Variants in MCC observed in about 807,000 individuals in gnomAD.
MCC encodes MCC regulator of Wnt signaling pathway.
Under a neutral mutation model 116.2 loss-of-function variants are expected in MCC, and 90 were observed. That is an observed-to-expected ratio of 0.77 (90% CI 0.65 to 0.92). The LOEUF is 0.92. Ranked by LOEUF, MCC falls within the 40% of genes least tolerant of loss-of-function variation. MCC has a pLI of 0.00. For missense variants in MCC, 1,516 were observed against 1,312.2 expected (o/e 1.16, Z -2.40); for synonymous variants, 578 against 510.5 (o/e 1.13, Z -1.78).
chr5:113,444,023 T>TGTG (rs1771132344), intron 1 of MCC, among the ~76,000 whole-genome samples: 8 of 102,364 alleles, frequency 7.8e-5, no homozygotes, highest in African/African-American at 4.6e-4. Flanking sequence ...GTGTGTGTGT[T>TGTG]TAGTAGAGAT....
intron 3 of MCC, among the ~76,000 whole-genome samples, chr5:113,247,101 T>C (rs1158240280): frequency 1.3e-5 from 2 of 152,196 alleles, no homozygotes; most frequent in Non-Finnish European, 2.9e-5. Context: ...AAAGGTAACG[T>C]CTTAAGACAT....
At chr5:113,467,022 G>A (rs1409458061) in intron 1 of MCC, among the ~76,000 whole-genome samples, 1 of 151,374 alleles carries the variant, frequency 6.6e-6, no homozygotes, top group Non-Finnish European at 1.5e-5. Context: ...CCCACTTTTT[G>A]ATGGGGTTGT....
intron 1 of MCC, among the ~76,000 whole-genome samples, chr5:113,416,900 T>C (rs892232464): frequency 1.3e-5 from 2 of 152,126 alleles, no homozygotes; most frequent in Admixed American, 1.3e-4. Context: ...TTGACAAAAT[T>C]GGTCAATAAT....
chr5:113,329,216 A>G (rs1767636718), intron 3 of MCC, among the ~76,000 whole-genome samples: 1 of 152,210 alleles, frequency 6.6e-6, no homozygotes, highest in African/African-American at 2.4e-5. Flanking sequence ...TAGCAACACC[A>G]AAAGAAATGC....
chr5:113,132,482 A>G (rs1758523021), intron 5 of MCC, among the ~76,000 whole-genome samples: 1 of 148,940 alleles, frequency 6.7e-6, no homozygotes, highest in African/African-American at 2.5e-5. Context: ...ACACACATAC[A>G]TATATATATA....
rs561660750 is a variant in MCC at position 113,429,067 on chromosome 5, T to C, written c.171-43855A>G. ...CATTAGCTCTCCTTCACCGAAGAAA[T>C]AGGACAAAAACTTTACATATACTCT... On this transcript the variant is annotated intron_variant, in intron 1 of 18. Transcript: ENST00000408903. 2.6e-5 allele frequency among the ~76,000 whole-genome samples: 4 copies of C among 152,302 alleles called. No individual in the cohort carries two copies. In the East Asian group the frequency reaches 5.8e-4, roughly 22 times the overall value.
chr5:113,466,445 G>C (rs542579948), intron 1 of MCC, among the ~76,000 whole-genome samples: 1 of 148,960 alleles, frequency 6.7e-6, no homozygotes, highest in South Asian at 2.1e-4. Context: ...TTGGTTTTTT[G>C]TCCTTGCCAT....
At chr5:113,293,198 C>A (rs995512134) in intron 3 of MCC, among the ~76,000 whole-genome samples, 7 of 151,916 alleles carry the variant, frequency 4.6e-5, no homozygotes, top group African/African-American at 1.7e-4. Flanking sequence ...TCCCCCAACC[C>A]CATTTAATCC....
In MCC at chr5:113,069,833, G is replaced by A. The variant is rs901302238; in HGVS notation, c.1925+1261C>T. ...GATCTCCTGACCTCGTGATCCGCCC[G>A]CCTCGGCCTCCTAAAATGCTGGGAT... On this transcript the variant is annotated intron_variant, in intron 12 of 18. Coordinates refer to ENST00000408903, the MANE Select transcript of MCC (RefSeq NM_001085377.2). Among the ~76,000 whole-genome samples, 60 of 152,258 alleles carry A rather than the reference G, an allele frequency of 3.9e-4. 1 individual carries two copies. The highest frequency in any genetic ancestry group is 2.4e-5 in the African/African-American group (1 of 41,548).
At chr5:113,227,346 A>C (rs181821103) in intron 3 of MCC, among the ~76,000 whole-genome samples, 6 of 152,328 alleles carry the variant, frequency 3.9e-5, no homozygotes, top group Admixed American at 2.6e-4. Flanking sequence ...AAGTCTGCCA[A>C]ATAATCTGGT....
rs75558564 is a variant in MCC, at chr5:113,455,567, A to G, written c.170+32678T>C. Among the ~76,000 whole-genome samples the G allele has an allele frequency of 3.1e-3, 466 of 152,324 alleles. 9 individuals carry two copies. The highest frequency in any genetic ancestry group is 0.011 in the African/African-American group (443 of 41,578). On this transcript the variant is annotated intron_variant, in intron 1 of 18. Transcript: ENST00000408903. ...CTCTGAGATGGGACATACAAGTCTA[A>G]AGCCCTTTTCCAAATCTCTTGGGGA...
chr5:113,375,688 T>C (rs2150390425), intron 2 of MCC, among the ~76,000 whole-genome samples: 1 of 152,312 alleles, frequency 6.6e-6, no homozygotes, highest in Admixed American at 6.5e-5. Flanking sequence ...CCTCCCTGTG[T>C]GGTCTTTCAA....
chr5:113,133,947 AG>A (rs1358788278), intron 5 of MCC, among the ~76,000 whole-genome samples: 5 of 152,160 alleles, frequency 3.3e-5, no homozygotes, highest in African/African-American at 1.2e-4. Context: ...AAAAAAAATC[AG>A]ATTTGTTTTT....
intron 1 of MCC, among the ~76,000 whole-genome samples, chr5:113,469,692 A>G (rs1394351149): frequency 6.6e-6 from 1 of 152,128 alleles, no homozygotes; most frequent in African/African-American, 2.4e-5. Flanking sequence ...GTAGATGTCT[A>G]TTAGGTCACT....
intron 1 of MCC, among the ~76,000 whole-genome samples, chr5:113,480,555 C>T (rs1240889790): frequency 2.0e-5 from 3 of 152,116 alleles, no homozygotes; most frequent in South Asian, 2.1e-4. Flanking sequence ...GAATAAAAGT[C>T]GTGGTTATTG....
intron 1 of MCC, among the ~76,000 whole-genome samples, chr5:113,452,621 AC>A (rs1188612787): frequency 6.6e-6 from 1 of 152,200 alleles, no homozygotes; most frequent in African/African-American, 2.4e-5. Context: ...TTTATAAGCT[AC>A]CTGATTTATG....
At chr5:113,128,071 G>C (rs2150274675) in intron 5 of MCC, among the ~76,000 whole-genome samples, 1 of 152,356 alleles carries the variant, frequency 6.6e-6, no homozygotes, top group East Asian at 1.9e-4. Context: ...AATTTAATCA[G>C]AAGAGGGAAA....
chr5:113,084,647 T>C (rs1755081347), intron 9 of MCC, among the ~76,000 whole-genome samples: 1 of 152,262 alleles, frequency 6.6e-6, no homozygotes, highest in African/African-American at 2.4e-5. Flanking sequence ...ACAGGCATAA[T>C]TTTAATCATC....
chr5:113,422,357 TGA>T (rs1770362942), intron 1 of MCC, among the ~76,000 whole-genome samples: 1 of 152,210 alleles, frequency 6.6e-6, no homozygotes, highest in Non-Finnish European at 1.5e-5. Flanking sequence ...TAGTAAGTGA[TGA>T]GTTTGAGCAT....
Sources: gnomAD v4.1 joint callset for allele counts (sites outside exome capture counted in the v4.1 genomes callset) on GRCh38, gnomAD v4.1.1 for gene constraint, MANE v1.5 for transcripts, NCBI Gene and HGNC (gene_info 2026-07-23, HGNC 2026-07-21) for gene names.